KLC1: variants seen among roughly 807,000 people sequenced by gnomAD.
KLC1 encodes the protein kinesin 2 60/70kDa.
KLC1 carries 30 observed loss-of-function variants against 84.2 expected under a neutral mutation model. The observed-to-expected ratio is 0.36, with a 90% CI of 0.27 to 0.48. KLC1 has a LOEUF of 0.48. KLC1 is among the 20% of genes least tolerant of loss of function. The probability of loss-of-function intolerance (pLI) is 0.99; values close to 1 mark genes in which losing one functional copy is unlikely to be tolerated. For synonymous variants in KLC1, 289 were observed against 293.3 expected (o/e 0.99, Z 0.15); for missense variants, 499 against 805.4 (o/e 0.62, Z 4.60).
chr14:103,699,438 G>A (rs1284161669), intron 15 of KLC1: 3 of 1,612,768 alleles, frequency 1.9e-6, no homozygotes, highest in Non-Finnish European at 1.7e-6. Flanking sequence ...GACTGCAGAT[G>A]CCTGGCCCTG....
At chr14:103,687,711 G>A (rs2081868250) in intron 14 of KLC1, 1 of 152,154 alleles carries the variant, frequency 6.6e-6, no homozygotes, top group Non-Finnish European at 1.5e-5. Flanking sequence ...TTTATTATAA[G>A]GAGATTTTCA....
At chr14:103,645,412 A>G (rs1024336068) in intron 1 of KLC1, among the ~76,000 whole-genome samples, 2 of 152,194 alleles carry the variant, frequency 1.3e-5, no homozygotes, top group Non-Finnish European at 2.9e-5. Context: ...TGCCTAGCTC[A>G]GTTCTTCTGC....
At chr14:103,634,748 A>T (rs1270517679) in intron 1 of KLC1, among the ~76,000 whole-genome samples, 19 of 149,260 alleles carry the variant, frequency 1.3e-4, no homozygotes, top group East Asian at 1.2e-3. Context: ...TTTTTTTTTT[A>T]AATATAGTTT....
At chr14:103,665,050 G>A (rs767925296) in intron 5 of KLC1, among the ~76,000 whole-genome samples, 8 of 151,926 alleles carry the variant, frequency 5.3e-5, no homozygotes, top group East Asian at 1.9e-4. Context: ...ACCCACGTGC[G>A]TAGATGTTTG....
intron 1 of KLC1, among the ~76,000 whole-genome samples, chr14:103,629,700 C>T (rs1468660205): frequency 1.4e-5 from 2 of 146,434 alleles, no homozygotes; most frequent in Non-Finnish European, 3.0e-5. Flanking sequence ...CTTCCAGGTT[C>T]AGGTCGGGTT....
At chr14:103,685,643 G>A in intron 13 of KLC1, 1 of 1,289,446 alleles carries the variant, frequency 7.8e-7, no homozygotes, top group South Asian at 1.2e-5. Flanking sequence ...GACAGGCCTA[G>A]CCGCCCGTGA....
At chr14:103,652,913 G>C (rs1359836235) in intron 1 of KLC1, among the ~76,000 whole-genome samples, 2 of 152,168 alleles carry the variant, frequency 1.3e-5, no homozygotes, top group Admixed American at 6.6e-5. Context: ...TATGGAAAAA[G>C]AAAATCATTT....
intron 11 of KLC1, 100 bp from the exon 12 acceptor site, chr14:103,677,315 C>A (rs1322715303): frequency 3.9e-6 from 3 of 765,998 alleles, no homozygotes; most frequent in Non-Finnish European, 6.8e-6. Flanking sequence ...TATATTCAAG[C>A]CAAAACAGAA....
chr14:103,669,707 C>T, intron 6 of KLC1, 109 bp downstream of exon 6: 1 of 771,720 alleles, frequency 1.3e-6, no homozygotes, highest in Non-Finnish European at 2.2e-6. Flanking sequence ...TAAGTGCTGC[C>T]TTTTCCCTAG....
At chr14:103,676,922 C>G (rs546572340) in intron 11 of KLC1, among the ~76,000 whole-genome samples, 1 of 152,302 alleles carries the variant, frequency 6.6e-6, no homozygotes, top group South Asian at 2.1e-4. Flanking sequence ...TATTGCTTCC[C>G]TGGTACATGA....
chr14:103,668,563 C>T (rs750603266), intron 5 of KLC1, among the ~76,000 whole-genome samples: 7 of 152,240 alleles, frequency 4.6e-5, no homozygotes, highest in South Asian at 4.2e-4. Flanking sequence ...CTGCAAGCTC[C>T]GCCTCCCGGG....
intron 13 of KLC1, chr14:103,685,760 A>G: frequency 5.5e-6 from 7 of 1,278,080 alleles, no homozygotes; most frequent in Non-Finnish European, 6.1e-6. Context: ...TCAGAGCTGC[A>G]CCTCTCTGTG....
At chr14:103,685,364 G>A (rs573834963) in intron 13 of KLC1, 147 of 1,228,112 alleles carry the variant, frequency 1.2e-4, no homozygotes, top group Admixed American at 3.3e-4. Context: ...TTTCTAATAC[G>A]TTGCCAATCT....
At chr14:103,640,901 A>G (rs919308836) in intron 1 of KLC1, among the ~76,000 whole-genome samples, 2 of 151,910 alleles carry the variant, frequency 1.3e-5, no homozygotes, top group Admixed American at 1.3e-4. Context: ...AGGAACCAAC[A>G]TTGGTACCTT....
chr14:103,694,329 G>A lies in KLC1; in HGVS notation c.1848+1904G>A. The A allele has an allele frequency of 2.1e-6, 2 of 934,696 alleles. No homozygotes were observed. The highest frequency in any genetic ancestry group is 1.8e-5 in the African/African-American group (1 of 54,902). The allele number at this position is 934,696 out of a possible 1,614,324, so 57.9% of individuals were successfully genotyped here. ...CGCAGTGGCCCAATCTCGGCCCACTGCAAGCTCCACCTCCTGGGTTCACGC... is the reference window on the plus strand; with the variant it reads ...CGCAGTGGCCCAATCTCGGCCCACTACAAGCTCCACCTCCTGGGTTCACGC... On this transcript the variant is annotated intron_variant, in intron 15 of 16. Transcript: ENST00000334553. This position sits in a 1 kb window ranked among gnomAD's most constrained non-coding sequence, Gnocchi z 4.5.
chr14:103,653,622 T>C (rs985964303), intron 1 of KLC1, among the ~76,000 whole-genome samples: 1 of 152,216 alleles, frequency 6.6e-6, no homozygotes, highest in Non-Finnish European at 1.5e-5. Context: ...TGCCTGGCTG[T>C]CCTGCCTTTT....
chr14:103,698,681 G>T, intron 15 of KLC1: 2 of 912,918 alleles, frequency 2.2e-6, no homozygotes, highest in South Asian at 2.9e-5. Context: ...TGCCCTGGAA[G>T]AGCTGTGTCT....
chr14:103,663,432 C>T (rs2079466055), intron 5 of KLC1, among the ~76,000 whole-genome samples: 1 of 152,148 alleles, frequency 6.6e-6, no homozygotes, highest in South Asian at 2.1e-4. Context: ...ACAGATGCTG[C>T]CCGTGACCAC....
Position 103,684,232 on chromosome 14 carries a change from A to G in KLC1, c.1651-2849A>G, listed in dbSNP as rs549216354. ...CCAAAAATAAATAAACTTAAGCACTAAATTATCTGAGATCCTACTGTATAC... is the reference window on the plus strand; with the variant it reads ...CCAAAAATAAATAAACTTAAGCACTGAATTATCTGAGATCCTACTGTATAC... On this transcript the variant is annotated intron_variant, in intron 13 of 16. Transcript: ENST00000334553. Among the ~76,000 whole-genome samples the G allele has an allele frequency of 2.3e-3, 348 of 152,350 alleles. 1 individual carries two copies. Among genetic ancestry groups the G allele is most frequent in the Middle Eastern group, 6.8e-3 (2 of 294 alleles).
Sources: allele counts gnomAD v4.1 joint callset (sites outside exome capture counted in the v4.1 genomes callset), GRCh38; gene constraint gnomAD v4.1.1; non-coding constraint Gnocchi (gnomAD v3.1); transcripts MANE v1.5; gene names NCBI Gene and HGNC (gene_info 2026-07-23, HGNC 2026-07-21).